The following F13A1 variants were observed in gnomAD, a reference collection of about 807,000 sequenced individuals.
F13A1 encodes FSF, A subunit.
In F13A1, 47 loss-of-function variants were observed where a neutral mutation model predicts 80.1. That is an observed-to-expected ratio of 0.59 (90% CI 0.46 to 0.75). The LOEUF (loss-of-function observed/expected upper bound fraction) is 0.75. Among genes scored for constraint, F13A1 ranks in the 30% least tolerant of loss-of-function variants. The pLI is 0.00. For synonymous variants in F13A1, 349 were observed against 344.9 expected (o/e 1.01, Z -0.13); for missense variants, 817 against 930.4 (o/e 0.88, Z 1.59).
Position 6,289,620 on chromosome 6 carries a change from C to T in F13A1, c.319+15731G>A, listed in dbSNP as rs1297531515. 2.0e-5 allele frequency among the ~76,000 whole-genome samples: 3 copies of T among 152,068 alleles called. No individual in the cohort carries two copies. In the East Asian group the frequency reaches 5.8e-4, roughly 29 times the overall value. ...CTCTTACTAATGTCCCTAACAAAAT[C>T]TCGGTCCTCCAATTTATCTTCCACA... On this transcript the variant is annotated intron_variant, in intron 3 of 14. Transcript: ENST00000264870.
At chr6:6,154,509 A>C (rs1760440640) in intron 13 of F13A1, among the ~76,000 whole-genome samples, 1 of 152,212 alleles carries the variant, frequency 6.6e-6, no homozygotes, top group African/African-American at 2.4e-5. Context: ...ACTGCATGCC[A>C]GGAGCAGCCC....
intron 13 of F13A1, among the ~76,000 whole-genome samples, chr6:6,156,299 C>G (rs1422172774): frequency 2.0e-5 from 3 of 152,222 alleles, no homozygotes; most frequent in Non-Finnish European, 4.4e-5. Flanking sequence ...AAGTTACTAA[C>G]ACACACATAC....
At chr6:6,221,048 A>G (rs1757185851) in intron 8 of F13A1, among the ~76,000 whole-genome samples, 1 of 152,234 alleles carries the variant, frequency 6.6e-6, no homozygotes, top group African/African-American at 2.4e-5. Context: ...GGATGCTTGT[A>G]TAACAGAAAG....
At position 6,144,511 on chromosome 6, in the gene F13A1, A is replaced by G. The variant is rs1213056793; in HGVS notation, c.*1108T>C. On this transcript the variant is annotated 3_prime_UTR_variant, in exon 15 of 15. Transcript: ENST00000264870. The stretch of plus-strand genomic sequence containing the variant: ...GCCTTCTCTGTAGTAGCCTTGGAAC[A>G]TAATACAAATGATGTCAGCATCCTC... The G allele has an allele frequency of 6.6e-6, 1 of 152,266 alleles. No individual in the cohort carries two copies. The highest frequency in any genetic ancestry group is 2.4e-5 in the African/African-American group (1 of 41,458). 9.4% of individuals were successfully genotyped at this position (152,266 alleles called of 1,614,324 possible).
intron 3 of F13A1, among the ~76,000 whole-genome samples, chr6:6,292,745 G>A (rs141601424): frequency 1.2e-3 from 187 of 152,282 alleles, no homozygotes; most frequent in Non-Finnish European, 2.4e-3. Context: ...ATGCTTGAGC[G>A]GGTGATGAAC....
intron 2 of F13A1, among the ~76,000 whole-genome samples, chr6:6,316,080 T>C (rs6927354): frequency 0.41 from 3,133 of 7,638 alleles, 200 homozygotes; most frequent in East Asian, 0.51. Flanking sequence ...TGTGTGTGCA[T>C]ATATATATAT....
intron 3 of F13A1, 125 bp downstream of exon 3, chr6:6,305,226 A>T: frequency 9.4e-7 from 1 of 1,067,044 alleles, no homozygotes; most frequent in Admixed American, 1.9e-5. Flanking sequence ...CAGGGGCTGG[A>T]TGTCATTCCA....
intron 6 of F13A1, among the ~76,000 whole-genome samples, chr6:6,246,781 T>C (rs1757559831): frequency 6.6e-6 from 1 of 152,212 alleles, no homozygotes. Context: ...TCTGGGTGCG[T>C]AAAAGTACAC....
chr6:6,226,943 T>C (rs1299547681), intron 6 of F13A1, among the ~76,000 whole-genome samples: 2 of 151,306 alleles, frequency 1.3e-5, no homozygotes, highest in African/African-American at 4.8e-5. Context: ...GGGGGCCTAA[T>C]AGAGGGAGAT....
chr6:6,245,129 C>T (rs935532705), intron 6 of F13A1, among the ~76,000 whole-genome samples: 4 of 152,094 alleles, frequency 2.6e-5, no homozygotes, highest in Admixed American at 1.3e-4. Context: ...ATAGGGATGT[C>T]GTTAAACATT....
rs759789208 is a variant in F13A1 at position 6,167,461 on chromosome 6, G to A, written c.1905C>T (p.Ile635=). Residue 635 remains isoleucine (I), a synonymous_variant, in exon 13 of 15, where the codon ATC becomes ATT. Transcript: ENST00000264870. The part of the protein sequence containing the change: ...STVLTIPEII[I]KVRGTQVVGS... ...AGGATGAGACGCTAAGACTGACCTTGATGATGATCTCAGGGATGGTTAGCA... is the reference window on the plus strand; with the variant it reads ...AGGATGAGACGCTAAGACTGACCTTAATGATGATCTCAGGGATGGTTAGCA... 14 of 1,613,518 alleles carry A rather than the reference G, an allele frequency of 8.7e-6. No homozygotes were observed. In the South Asian group the frequency reaches 1.4e-4, roughly 16 times the overall value.
At chr6:6,186,336 T>C (rs1761079691) in intron 10 of F13A1, among the ~76,000 whole-genome samples, 2 of 152,188 alleles carry the variant, frequency 1.3e-5, no homozygotes, top group Non-Finnish European at 2.9e-5. Context: ...GGTTTTCTTC[T>C]AGGGTTTTTA....
At chr6:6,151,394 G>A (rs1760370902) in intron 14 of F13A1, among the ~76,000 whole-genome samples, 2 of 152,164 alleles carry the variant, frequency 1.3e-5, no homozygotes, top group African/African-American at 4.8e-5. Flanking sequence ...TATCTGACAC[G>A]TGGTAGGAGC....
intron 4 of F13A1, among the ~76,000 whole-genome samples, chr6:6,253,590 A>G (rs1426875981): frequency 6.6e-6 from 1 of 152,330 alleles, no homozygotes; most frequent in East Asian, 1.9e-4. Flanking sequence ...TGGCTAGTCA[A>G]GCCCAGTCTG....
At chr6:6,173,146 C>T (rs1760806028) in intron 12 of F13A1, among the ~76,000 whole-genome samples, 1 of 152,100 alleles carries the variant, frequency 6.6e-6, no homozygotes, top group African/African-American at 2.4e-5. Flanking sequence ...CTTGTGTTGC[C>T]CATCGTGTGG....
intron 4 of F13A1, among the ~76,000 whole-genome samples, chr6:6,257,314 T>C (rs943068125): frequency 9.9e-5 from 15 of 152,160 alleles, no homozygotes; most frequent in African/African-American, 3.4e-4. Flanking sequence ...TCGGTGGCAA[T>C]TGTGAGCATA....
At chr6:6,238,700 C>T (rs1445818540) in intron 6 of F13A1, among the ~76,000 whole-genome samples, 1 of 130,978 alleles carries the variant, frequency 7.6e-6, no homozygotes, top group Non-Finnish European at 1.6e-5. Context: ...AATCAGTAGA[C>T]TTGAAAACAT....
At chr6:6,188,856 C>T (rs1761127241) in intron 10 of F13A1, among the ~76,000 whole-genome samples, 1 of 73,388 alleles carries the variant, frequency 1.4e-5, no homozygotes. Context: ...GTGTGGGAAT[C>T]TAAGTCTCTT....
chr6:6,290,243 A>G (rs1758204828), intron 3 of F13A1, among the ~76,000 whole-genome samples: 1 of 152,264 alleles, frequency 6.6e-6, no homozygotes, highest in Non-Finnish European at 1.5e-5. Context: ...TGAATGCCAA[A>G]TTAATAGTTA....
Sources: gnomAD v4.1 joint callset for allele counts (sites outside exome capture counted in the v4.1 genomes callset) on GRCh38, gnomAD v4.1.1 for gene constraint, MANE v1.5 for transcripts, NCBI Gene and HGNC (gene_info 2026-07-23, HGNC 2026-07-21) for gene names.